The following FHIT variants were observed in gnomAD, a reference collection of about 807,000 sequenced individuals.
FHIT encodes bis(5'-adenosyl)-triphosphatase.
FHIT carries 19 observed loss-of-function variants against 17.9 expected under a neutral mutation model. The ratio of observed to expected loss-of-function variants is 1.06; its 90% CI spans 0.74 to 1.56. The LOEUF (loss-of-function observed/expected upper bound fraction) is 1.56, where lower values mean the gene tolerates loss of function less well. FHIT is among the 40% of genes most tolerant of loss of function. FHIT has a pLI of 0.00. For missense variants in FHIT, 248 were observed against 189.2 expected, an observed-to-expected ratio of 1.31 and a Z score of -1.82; for synonymous variants, 81 against 69.7, an observed-to-expected ratio of 1.16 and a Z score of -0.81.
At chr3:61,243,875 T>A (rs1251758680) in intron 1 of FHIT, 1 of 152,188 alleles carries the variant, frequency 6.6e-6, no homozygotes, top group South Asian at 2.1e-4. Context: ...AGATAACTAG[T>A]GCAAAATTTA....
intron 2 of FHIT, among the ~76,000 whole-genome samples, chr3:61,101,337 A>C (rs1211844279): frequency 1.3e-5 from 2 of 152,014 alleles, no homozygotes; most frequent in East Asian, 3.9e-4. Context: ...CCATTTCTTG[A>C]TTTTGTCAGG....
chr3:60,036,441 G>A (rs933717723), intron 5 of FHIT, among the ~76,000 whole-genome samples: 1 of 152,164 alleles, frequency 6.6e-6, no homozygotes, highest in Non-Finnish European at 1.5e-5. Flanking sequence ...AATACTGCTT[G>A]AATGATTGAA....
At chr3:60,933,525 G>A (rs546163519) in intron 3 of FHIT, among the ~76,000 whole-genome samples, 1 of 152,312 alleles carries the variant, frequency 6.6e-6, no homozygotes, top group East Asian at 1.9e-4. Flanking sequence ...GCCACATGAG[G>A]ATAGTGACTA....
chr3:61,242,311 C>T lies in FHIT; in HGVS notation c.-213+8990G>A, dbSNP rs139191966. Among the ~76,000 whole-genome samples, 142 of 152,120 alleles carry T rather than the reference C, an allele frequency of 9.3e-4. 1 individual carries two copies. Among genetic ancestry groups the T allele is most frequent in the Non-Finnish European group, 1.5e-3 (101 of 67,998 alleles). ...AACAACAAAAAAAAAAACACCTCTG[C>T]CCTCCTCCATCTAGCTAAAAGCAGG... On this transcript the variant is annotated intron_variant, in intron 1 of 9. Transcript: ENST00000492590.
At chr3:60,251,436 C>G (rs1005509641) in intron 5 of FHIT, among the ~76,000 whole-genome samples, 3 of 152,116 alleles carry the variant, frequency 2.0e-5, no homozygotes, top group Admixed American at 1.3e-4. Flanking sequence ...TTCAATTGCA[C>G]AAAAGAAGAG....
In FHIT at chr3:60,442,579, T is replaced by G. The variant is rs559156331; in HGVS notation, c.103+94281A>C. On this transcript the variant is annotated intron_variant, in intron 5 of 9. Coordinates refer to ENST00000492590, the MANE Select transcript of FHIT (RefSeq NM_002012.4). ...GTCAGGTTTGCCTAAGATCAGATAG[T>G]TGTAGATGTGTGGTATTATTTCTGA... Among the ~76,000 whole-genome samples, 338 of 152,232 alleles carry G rather than the reference T, an allele frequency of 2.2e-3. 1 individual carries two copies. The highest frequency in any genetic ancestry group is 7.4e-3 in the African/African-American group (306 of 41,538).
chr3:60,577,792 G>A (rs1487235134), intron 4 of FHIT, among the ~76,000 whole-genome samples: 1 of 152,242 alleles, frequency 6.6e-6, no homozygotes, highest in South Asian at 2.1e-4. Context: ...TTAGCTTTAA[G>A]AGCGACATTT....
intron 9 of FHIT, chr3:59,751,969 A>G (rs566781585): frequency 2.4e-5 from 10 of 412,992 alleles, no homozygotes; most frequent in Admixed American, 1.7e-4. Context: ...GAAAGACTGG[A>G]GAAAGGTGGT....
At chr3:60,723,007 C>G (rs1553708510) in intron 4 of FHIT, among the ~76,000 whole-genome samples, 2 of 152,132 alleles carry the variant, frequency 1.3e-5, no homozygotes, top group Non-Finnish European at 2.9e-5. Flanking sequence ...AGGCATGAAC[C>G]ACCGTTCCTG....
At chr3:60,822,458 G>A (rs1449957861) in intron 3 of FHIT, among the ~76,000 whole-genome samples, 1 of 152,068 alleles carries the variant, frequency 6.6e-6, no homozygotes, top group Admixed American at 6.6e-5. Flanking sequence ...GTCCTGTGTG[G>A]CCAGTTTACT....
chr3:60,724,185 C>T (rs1467011058), intron 4 of FHIT, among the ~76,000 whole-genome samples: 3 of 152,128 alleles, frequency 2.0e-5, no homozygotes, highest in Non-Finnish European at 2.9e-5. Flanking sequence ...GAGTTTCTGC[C>T]GCTATGGATT....
intron 5 of FHIT, among the ~76,000 whole-genome samples, chr3:60,053,207 G>C (rs1701952248): frequency 6.6e-6 from 1 of 151,532 alleles, no homozygotes; most frequent in Admixed American, 6.6e-5. Context: ...CACCTCCATA[G>C]AGAGGCCTTC....
chr3:60,464,379 T>G (rs535861944), intron 5 of FHIT, among the ~76,000 whole-genome samples: 1 of 152,280 alleles, frequency 6.6e-6, no homozygotes, highest in South Asian at 2.1e-4. Context: ...TCCTATCATA[T>G]TTTTAAGCTA....
chr3:61,085,970 C>T (rs999207598), intron 2 of FHIT, among the ~76,000 whole-genome samples: 1 of 152,074 alleles, frequency 6.6e-6, no homozygotes, highest in Admixed American at 6.5e-5. Context: ...CGTAGAAATA[C>T]AATTGATGTT....
chr3:60,591,131 T>C (rs953976313), intron 4 of FHIT, among the ~76,000 whole-genome samples: 2 of 152,148 alleles, frequency 1.3e-5, no homozygotes, highest in Admixed American at 6.6e-5. Context: ...CTAAGCCCAC[T>C]GATAAGAATA....
intron 1 of FHIT, among the ~76,000 whole-genome samples, chr3:61,208,276 A>G (rs1350505561): frequency 6.6e-6 from 1 of 152,048 alleles, no homozygotes; most frequent in Non-Finnish European, 1.5e-5. Flanking sequence ...TGGTGCTGAA[A>G]AAAATGTATA....
At chr3:59,948,770 C>CAATGAA (rs1409642276) in intron 7 of FHIT, among the ~76,000 whole-genome samples, 1 of 152,012 alleles carries the variant, frequency 6.6e-6, no homozygotes, top group African/African-American at 2.4e-5. Flanking sequence ...TTATTATCTT[C>CAATGAA]AATGAAATGT....
chr3:60,976,576 C>A (rs1201250854), intron 3 of FHIT, among the ~76,000 whole-genome samples: 1 of 152,124 alleles, frequency 6.6e-6, no homozygotes, highest in Non-Finnish European at 1.5e-5. Context: ...GTCCCATTAT[C>A]TGTTTTGTTT....
chr3:60,421,230 C>A (rs190269576), intron 5 of FHIT, among the ~76,000 whole-genome samples: 1 of 152,008 alleles, frequency 6.6e-6, no homozygotes, highest in Non-Finnish European at 1.5e-5. Flanking sequence ...TTCTGTTTTG[C>A]TCCACTTCAA....
Sources: gnomAD v4.1 joint callset for allele counts (sites outside exome capture counted in the v4.1 genomes callset) on GRCh38, gnomAD v4.1.1 for gene constraint, MANE v1.5 for transcripts, NCBI Gene and HGNC (gene_info 2026-07-23, HGNC 2026-07-21) for gene names.